PDLIM3: variants seen among roughly 807,000 people sequenced by gnomAD.
PDLIM3 encodes PDZ and LIM domain 3, also known as PDZ and LIM domain protein 3.
A neutral mutation model predicts 37.3 loss-of-function variants in PDLIM3; 36 were observed. The ratio of observed to expected loss-of-function variants is 0.97; its 90% CI spans 0.74 to 1.28. PDLIM3 has a LOEUF of 1.28. Ranked by LOEUF, PDLIM3 falls within the 50% of genes most tolerant of loss-of-function variation. The probability of loss-of-function intolerance (pLI) is 0.00; values close to 1 mark genes in which losing one functional copy is unlikely to be tolerated. For synonymous variants in PDLIM3, 174 were observed against 182.4 expected (o/e 0.95, Z 0.37); for missense variants, 454 against 485.0 (o/e 0.94, Z 0.60).
rs1405788264 is a variant in PDLIM3 at position 185,512,739 on chromosome 4, G to T, written c.398+1531C>A. Reference sequence around the variant, plus strand: ...ACACTAACCTGAAAAGAATGCAAGTGATTAATTTTACTATGCTTCTTTGGG... The same window carrying T: ...ACACTAACCTGAAAAGAATGCAAGTTATTAATTTTACTATGCTTCTTTGGG... On this transcript the variant is annotated intron_variant, in intron 4 of 7. Transcript: ENST00000284767. 4.1e-6 allele frequency: 4 copies of T among 982,920 alleles called. No homozygotes were observed. The East Asian group carries it at 3.5e-4, about 86-fold the overall frequency. 60.9% of individuals were successfully genotyped at this position (982,920 alleles called of 1,614,324 possible). A position where few individuals can be genotyped will look rare whatever the true frequency, so the allele number is the denominator to read the frequency against.
intron 3 of PDLIM3, among the ~76,000 whole-genome samples, chr4:185,519,491 T>C (rs1345952000): frequency 6.6e-6 from 1 of 152,132 alleles, no homozygotes; most frequent in Non-Finnish European, 1.5e-5. Flanking sequence ...TTCACCATGT[T>C]GACCAGGCTG....
At chr4:185,532,842 G>A (rs141791808) in intron 1 of PDLIM3, among the ~76,000 whole-genome samples, 1 of 152,300 alleles carries the variant, frequency 6.6e-6, no homozygotes, top group Non-Finnish European at 1.5e-5. Context: ...TAGGCGTGGA[G>A]CTAGGAAATC....
At chr4:185,513,331 C>T (rs1027090409) in intron 4 of PDLIM3, 11 of 985,078 alleles carry the variant, frequency 1.1e-5, no homozygotes, top group Non-Finnish European at 1.3e-5. Context: ...AAGGTCTGGA[C>T]ATGGAAATCA....
intron 1 of PDLIM3, among the ~76,000 whole-genome samples, chr4:185,530,789 T>C (rs1489552751): frequency 2.0e-5 from 3 of 152,164 alleles, no homozygotes; most frequent in African/African-American, 7.2e-5. Flanking sequence ...ATCCACCTTG[T>C]CTATGCTGCA....
chr4:185,516,349 T>C (rs1301298755), intron 3 of PDLIM3: 1 of 152,232 alleles, frequency 6.6e-6, no homozygotes, highest in Non-Finnish European at 1.5e-5. Context: ...TTATTTGAAA[T>C]AATACTGGAA....
chr4:185,513,629 G>T, intron 4 of PDLIM3: 1 of 988,130 alleles, frequency 1.0e-6, no homozygotes, highest in Non-Finnish European at 1.2e-6. Context: ...GTTCCTGTCG[G>T]AATCAATCCG....
chr4:185,516,590 C>T (rs1257802303), intron 3 of PDLIM3: 1 of 152,188 alleles, frequency 6.6e-6, no homozygotes, highest in Non-Finnish European at 1.5e-5. Flanking sequence ...CCTGTAGGGA[C>T]CCCAGCTACA....
At chr4:185,525,734 A>T (rs1228581945) in intron 1 of PDLIM3, among the ~76,000 whole-genome samples, 4 of 152,160 alleles carry the variant, frequency 2.6e-5, no homozygotes, top group African/African-American at 9.7e-5. Flanking sequence ...AGCCCTCATG[A>T]ATGGGATTAG....
intron 1 of PDLIM3, 40 bp from the exon 2 acceptor site, chr4:185,525,211 G>T: frequency 1.2e-6 from 2 of 1,604,786 alleles, no homozygotes; most frequent in Non-Finnish European, 1.7e-6. Flanking sequence ...CCAACATCCC[G>T]CAGTATCTTG....
In PDLIM3 at chr4:185,525,073, A is replaced by T. The variant is rs776834572; in HGVS notation, c.192T>A (p.Asp64Glu). Residue 64 changes from aspartate (D) to glutamate (E), a missense_variant, in exon 2 of 8, where the codon GAT (aspartate) becomes GAA (glutamate). Asp to Glu is a conservative substitution (Grantham distance 45). Coordinates refer to ENST00000284767, the MANE Select transcript of PDLIM3 (RefSeq NM_014476.6). ...GFGTESMTHA[D>E]AQDRIKAAAH... Reference sequence around the variant, plus strand: ...CTGCTGCTTTAATCCTGTCCTGCGCATCAGCATGAGTCATGGACTCTGTCC... The same window carrying T: ...CTGCTGCTTTAATCCTGTCCTGCGCTTCAGCATGAGTCATGGACTCTGTCC... 1 of 1,614,172 alleles carries T rather than the reference A, an allele frequency of 6.2e-7. No homozygotes were observed. Among genetic ancestry groups the T allele is most frequent in the South Asian group, 1.1e-5 (1 of 91,080 alleles).
chr4:185,516,236 ATCTT>A (rs1216137379), intron 3 of PDLIM3: 1 of 152,248 alleles, frequency 6.6e-6, no homozygotes, highest in African/African-American at 2.4e-5. Flanking sequence ...AGTAAGATAA[ATCTT>A]TCTAACAGTA....
chr4:185,531,117 T>C (rs886605783), intron 1 of PDLIM3, among the ~76,000 whole-genome samples: 10 of 152,198 alleles, frequency 6.6e-5, no homozygotes, highest in Admixed American at 1.3e-4. Flanking sequence ...ATATTCCATA[T>C]TGAAATCTTG....
rs1479508291 is a variant in PDLIM3, at chr4:185,521,840, AGCTATTTATTGAGCTGTGG to A, written c.330+1503_330+1521del. On this transcript the variant is annotated intron_variant, in intron 3 of 7. Coordinates refer to ENST00000284767, the MANE Select transcript of PDLIM3 (RefSeq NM_014476.6). ...CTCCAGTTCCTTTCATCCATTTGTC[AGCTATTTATTGAGCTGTGG>A]GCTATTTATTGAGCTGGAGGGACTC... Among the ~76,000 whole-genome samples the A allele has an allele frequency of 9.1e-5, 6 of 65,806 alleles. 2 individuals are homozygous for A. Among genetic ancestry groups the A allele is most frequent in the Non-Finnish European group, 3.1e-4 (5 of 15,886 alleles). The allele number at this position is 65,806 out of a possible 152,430, so 43.2% of individuals were successfully genotyped here.
Position 185,523,355 on chromosome 4 carries a change from C to T in PDLIM3, c.330+7G>A, listed in dbSNP as rs369445862. The T allele has an allele frequency of 2.5e-5, 40 of 1,587,256 alleles. No homozygotes were observed. The highest frequency in any genetic ancestry group is 1.3e-4 in the South Asian group (12 of 90,396). ...ACAATGTGTATCATTTGCTCTAAAA[C>T]GCATACCTGTGGTTCTGATTCTAAG... On this transcript the variant is annotated splice_region_variant and intron_variant, in intron 3 of 7. Coordinates refer to ENST00000284767, the MANE Select transcript of PDLIM3 (RefSeq NM_014476.6).
intron 7 of PDLIM3, 135 bp from the exon 8 acceptor site, chr4:185,502,618 G>T: frequency 1.3e-6 from 1 of 788,440 alleles, no homozygotes; most frequent in Non-Finnish European, 2.2e-6. Flanking sequence ...TGTGAAAGCA[G>T]GCACAGCCGT....
rs746224592 is a variant in PDLIM3, at chr4:185,508,487, G to T, written c.474C>A (p.Thr158=). ...STPSSVSTVS[T]ICPGDLKVAA... ...CAACTTTCAAGTCACCTGGGCAAAT[G>T]GTACTAACAGTACTGACAGAAGAAG... The change falls in exon 5 of 8, where the codon ACC becomes ACA. Residue 158 remains threonine, a synonymous_variant. Coordinates refer to ENST00000284767, the MANE Select transcript of PDLIM3 (RefSeq NM_014476.6). 8.1e-6 allele frequency: 13 copies of T among 1,614,046 alleles called. No individual in the cohort carries two copies. In the Admixed American group the frequency reaches 2.2e-4, roughly 27 times the overall value.
rs147052720 is a variant in PDLIM3 at position 185,513,854 on chromosome 4, T to C, written c.398+416A>G. 4.4e-5 allele frequency: 49 copies of C among 1,118,536 alleles called. No homozygotes were observed. The Middle Eastern group carries it at 1.2e-3, about 29-fold the overall frequency. The allele number at this position is 1,118,536 out of a possible 1,614,324, so 69.3% of individuals were successfully genotyped here. On this transcript the variant is annotated intron_variant, in intron 4 of 7. Coordinates refer to ENST00000284767, the MANE Select transcript of PDLIM3 (RefSeq NM_014476.6). ...TACTGAGAGACGAGAAGGAAGAGCT[T>C]GCTCCTTATCATTCTGGCTTGTTCA...
At chr4:185,526,806 C>T (rs1267549481) in intron 1 of PDLIM3, among the ~76,000 whole-genome samples, 1 of 152,144 alleles carries the variant, frequency 6.6e-6, no homozygotes, top group Non-Finnish European at 1.5e-5. Flanking sequence ...CTTATTTCTG[C>T]CTGAAATGCT....
chr4:185,506,056 G>GCTCACCTCCC (rs1457109311), intron 6 of PDLIM3, among the ~76,000 whole-genome samples: 1 of 152,144 alleles, frequency 6.6e-6, no homozygotes, highest in Non-Finnish European at 1.5e-5. Flanking sequence ...GCTAAGTAGG[G>GCTCACCTCCC]CAAATAATAG....
Sources: allele counts gnomAD v4.1 joint callset (sites outside exome capture counted in the v4.1 genomes callset), GRCh38; gene constraint gnomAD v4.1.1; transcripts MANE v1.5; gene names NCBI Gene and HGNC (gene_info 2026-07-23, HGNC 2026-07-21).